Variants in UBA2 observed in about 807,000 individuals in gnomAD.
UBA2 encodes the protein ubiquitin like modifier activating enzyme 2, also known as SUMO-activating enzyme subunit 2.
Under a neutral mutation model 77.2 loss-of-function variants are expected in UBA2, and 11 were observed. That is an observed-to-expected ratio of 0.14 (90% CI 0.09 to 0.24). The LOEUF (loss-of-function observed/expected upper bound fraction) is 0.24, where lower values mean the gene tolerates loss of function less well. Ranked by LOEUF, UBA2 falls within the 10% of genes least tolerant of loss-of-function variation. The pLI is 1.00. For synonymous variants in UBA2, 278 were observed against 276.7 expected, an observed-to-expected ratio of 1.00 and a Z score of -0.05; for missense variants, 487 against 781.7, an observed-to-expected ratio of 0.62 and a Z score of 4.50.
intron 12 of UBA2, among the ~76,000 whole-genome samples, chr19:34,456,241 A>G (rs558964629): frequency 2.0e-5 from 3 of 150,108 alleles, no homozygotes; most frequent in African/African-American, 4.9e-5. Context: ...CAGCCTCTCA[A>G]GTAGCTGGGA....
intron 16 of UBA2, 36 bp downstream of exon 16, chr19:34,467,050 C>T: frequency 6.3e-7 from 1 of 1,599,334 alleles, no homozygotes; most frequent in Non-Finnish European, 8.6e-7. Context: ...TGTTAAATAC[C>T]CACAAAGCAG....
chr19:34,439,700 CT>C (rs1555727891), intron 6 of UBA2, among the ~76,000 whole-genome samples: 3 of 151,838 alleles, frequency 2.0e-5, no homozygotes, highest in Non-Finnish European at 2.9e-5. Flanking sequence ...TGTACCTGTA[CT>C]CCCAGCTACT....
chr19:34,457,880 T>C (rs2075585622), intron 12 of UBA2, among the ~76,000 whole-genome samples: 1 of 152,190 alleles, frequency 6.6e-6, no homozygotes, highest in South Asian at 2.1e-4. Flanking sequence ...TTTGCCTTGG[T>C]TCTTAATTAT....
At chr19:34,463,975 A>G in intron 14 of UBA2, 51 bp from the exon 15 acceptor site, 1 of 1,308,642 alleles carries the variant, frequency 7.6e-7, no homozygotes, top group Non-Finnish European at 1.1e-6. Flanking sequence ...AATCAACCTG[A>G]CTGCTCTATG....
chr19:34,438,434 C>T (rs551516021), intron 5 of UBA2, among the ~76,000 whole-genome samples: 1 of 152,272 alleles, frequency 6.6e-6, no homozygotes, highest in Admixed American at 6.5e-5. Flanking sequence ...GAGTCGGCGT[C>T]CTGGCACAGC....
intron 8 of UBA2, among the ~76,000 whole-genome samples, chr19:34,445,616 T>G (rs1299260244): frequency 6.6e-6 from 1 of 152,092 alleles, no homozygotes. Flanking sequence ...TTTTGTATTT[T>G]TAGTAGAAGC....
intron 14 of UBA2, among the ~76,000 whole-genome samples, chr19:34,460,814 A>G (rs925800576): frequency 5.3e-5 from 8 of 152,158 alleles, no homozygotes; most frequent in Non-Finnish European, 7.3e-5. Flanking sequence ...TGCCGATATC[A>G]TGGATCCTGG....
chr19:34,455,901 A>T (rs1473056453), intron 12 of UBA2, among the ~76,000 whole-genome samples: 2 of 151,496 alleles, frequency 1.3e-5, no homozygotes, highest in Non-Finnish European at 2.9e-5. Context: ...CGGCCTCCCA[A>T]AGTGCTGGGA....
chr19:34,468,559 C>T (rs1419282155), intron 16 of UBA2, among the ~76,000 whole-genome samples: 1 of 152,200 alleles, frequency 6.6e-6, no homozygotes, highest in Non-Finnish European at 1.5e-5. Flanking sequence ...TCCTCTGCTA[C>T]TATGTAAGCT....
intron 16 of UBA2, among the ~76,000 whole-genome samples, chr19:34,467,714 G>A (rs2075702791): frequency 1.3e-5 from 2 of 152,126 alleles, no homozygotes; most frequent in African/African-American, 4.8e-5. Context: ...CTGGGATCGC[G>A]CCACTGCACT....
intron 3 of UBA2, 135 bp from the exon 4 acceptor site, chr19:34,433,213 C>A: frequency 1.7e-6 from 1 of 602,398 alleles, no homozygotes; most frequent in Non-Finnish European, 2.9e-6. Context: ...TCAAACCTTA[C>A]TATCTATATG....
At chr19:34,429,479 A>G (rs1211214467) in intron 1 of UBA2, among the ~76,000 whole-genome samples, 1 of 152,190 alleles carries the variant, frequency 6.6e-6, no homozygotes, top group Non-Finnish European at 1.5e-5. Context: ...CAAAAATTAG[A>G]TAAAACTTAA....
Position 34,465,865 on chromosome 19 carries a change from A to G in UBA2, c.1605-1013A>G, listed in dbSNP as rs564196443. 1.6e-4 allele frequency among the ~76,000 whole-genome samples: 25 copies of G among 152,234 alleles called. 1 individual carries two copies. The highest frequency in any genetic ancestry group is 5.5e-4 in the African/African-American group (23 of 41,540). ...AGGCATAATTAGGGTTTTTAATCAT[A>G]TTTTTTAGCTCTCTGGGAACAGAAC... On this transcript the variant is annotated intron_variant, in intron 15 of 16. Transcript: ENST00000246548.
chr19:34,429,649 G>T (rs2075228975), intron 1 of UBA2, among the ~76,000 whole-genome samples: 2 of 151,904 alleles, frequency 1.3e-5, no homozygotes, highest in South Asian at 4.2e-4. Flanking sequence ...CAGAACCTGG[G>T]CAACATAGAG....
intron 5 of UBA2, among the ~76,000 whole-genome samples, chr19:34,435,522 C>A (rs2075298880): frequency 6.6e-6 from 1 of 151,778 alleles, no homozygotes; most frequent in Non-Finnish European, 1.5e-5. Flanking sequence ...GCATGATATA[C>A]CAGGCATCAA....
At chr19:34,438,429 G>A (rs2075333661) in intron 5 of UBA2, among the ~76,000 whole-genome samples, 1 of 152,126 alleles carries the variant, frequency 6.6e-6, no homozygotes, top group African/African-American at 2.4e-5. Flanking sequence ...ACCAGGAGTC[G>A]GCGTCCTGGC....
At chr19:34,435,682 T>G (rs928304320) in intron 5 of UBA2, among the ~76,000 whole-genome samples, 1 of 151,732 alleles carries the variant, frequency 6.6e-6, no homozygotes, top group African/African-American at 2.4e-5. Context: ...ATACAAAAAT[T>G]AGCTGGGTGT....
rs563354196 is a variant in UBA2, at chr19:34,451,962, T to C, written c.872-19T>C. 11 of 1,447,608 alleles carry C rather than the reference T, an allele frequency of 7.6e-6. No homozygotes were observed. The highest frequency in any genetic ancestry group is 4.9e-5 in the East Asian group (2 of 40,490). The allele number at this position is 1,447,608 out of a possible 1,614,324, so 89.7% of individuals were successfully genotyped here. A position where few individuals can be genotyped will look rare whatever the true frequency, so the allele number is the denominator to read the frequency against. ...ATGTTAATTAGTGAAATTTCTAATA[T>C]ATATATTTTTTTCTTTAGGAGAAGA... On this transcript the variant is annotated intron_variant, in intron 9 of 16. Transcript: ENST00000246548.
intron 12 of UBA2, among the ~76,000 whole-genome samples, chr19:34,456,464 A>G (rs2075563964): frequency 6.6e-6 from 1 of 152,114 alleles, no homozygotes; most frequent in Admixed American, 6.5e-5. Context: ...GTTTGAAGGA[A>G]CAGAATCAAA....
Sources: gnomAD v4.1 joint callset for allele counts (sites outside exome capture counted in the v4.1 genomes callset) on GRCh38, gnomAD v4.1.1 for gene constraint, MANE v1.5 for transcripts, NCBI Gene and HGNC (gene_info 2026-07-23, HGNC 2026-07-21) for gene names.